DPP10: variants seen among roughly 807,000 people sequenced by gnomAD.
The protein encoded by DPP10 is inactive dipeptidyl peptidase 10.
A neutral mutation model predicts 120.9 loss-of-function variants in DPP10; 33 were observed. The ratio of observed to expected loss-of-function variants is 0.27; its 90% CI spans 0.21 to 0.37. The LOEUF (loss-of-function observed/expected upper bound fraction) is 0.37, where lower values mean the gene tolerates loss of function less well. Ranked by LOEUF, DPP10 falls within the 10% of genes least tolerant of loss-of-function variation. The pLI is 1.00. For synonymous variants in DPP10, 337 were observed against 326.1 expected (o/e 1.03, Z -0.36); for missense variants, 816 against 942.8 (o/e 0.87, Z 1.76).
intron 1 of DPP10, among the ~76,000 whole-genome samples, chr2:114,603,626 G>T (rs867398746): frequency 2.0e-5 from 3 of 152,082 alleles, no homozygotes; most frequent in Non-Finnish European, 4.4e-5. Flanking sequence ...TAAGGAAAGT[G>T]AAAATGACTA....
chr2:115,235,716 C>G lies in DPP10; in HGVS notation c.61-73523C>G, dbSNP rs139903564. On this transcript the variant is annotated intron_variant, in intron 1 of 25. Coordinates refer to ENST00000410059, the MANE Select transcript of DPP10 (RefSeq NM_020868.6). ...AGTTGGGGTTACAGGTGCATGCCAA[C>G]ACACCCAGCTAATTTTGTATATTTA... 4.7e-3 allele frequency among the ~76,000 whole-genome samples: 721 copies of G among 152,248 alleles called. 5 individuals carry two copies. The highest frequency in any genetic ancestry group is 0.016 in the African/African-American group (657 of 41,538).
At chr2:115,398,514 G>T (rs1484513533) in intron 3 of DPP10, among the ~76,000 whole-genome samples, 1 of 151,864 alleles carries the variant, frequency 6.6e-6, no homozygotes, top group Non-Finnish European at 1.5e-5. Flanking sequence ...ATAAATAACA[G>T]AATGTGTTTT....
At chr2:114,560,126 C>T (rs1008907153) in intron 1 of DPP10, among the ~76,000 whole-genome samples, 2 of 152,090 alleles carry the variant, frequency 1.3e-5, no homozygotes, top group Non-Finnish European at 2.9e-5. Flanking sequence ...TTAAGAATAA[C>T]ATGGAACTGA....
chr2:115,397,039 C>T (rs2067731913), intron 3 of DPP10, among the ~76,000 whole-genome samples: 1 of 152,088 alleles, frequency 6.6e-6, no homozygotes, highest in African/African-American at 2.4e-5. Context: ...TTCTTATTTG[C>T]AAAACATGAT....
chr2:114,961,128 C>T (rs1010030599), intron 1 of DPP10, among the ~76,000 whole-genome samples: 1 of 143,114 alleles, frequency 7.0e-6, no homozygotes, highest in Non-Finnish European at 1.5e-5. Context: ...CTCAGCTCAC[C>T]GCAACCTCCA....
At chr2:115,598,975 A>G (rs1022656672) in intron 5 of DPP10, among the ~76,000 whole-genome samples, 16 of 151,580 alleles carry the variant, frequency 1.1e-4, no homozygotes, top group Admixed American at 1.1e-3. Context: ...TTTATTTTTT[A>G]CCTCTGTAAA....
At chr2:115,106,047 ACTG>A (rs2048930386) in intron 1 of DPP10, among the ~76,000 whole-genome samples, 1 of 152,180 alleles carries the variant, frequency 6.6e-6, no homozygotes, top group Admixed American at 6.5e-5. Context: ...GTTTCCTACT[ACTG>A]AAGACATGAA....
At chr2:114,803,105 T>G (rs1684406825) in intron 1 of DPP10, among the ~76,000 whole-genome samples, 2 of 152,172 alleles carry the variant, frequency 1.3e-5, no homozygotes, top group South Asian at 4.1e-4. Context: ...TCCCATGCTA[T>G]TCTCATGATA....
chr2:114,675,869 C>T (rs1034512520), intron 1 of DPP10, among the ~76,000 whole-genome samples: 7 of 151,762 alleles, frequency 4.6e-5, no homozygotes, highest in Admixed American at 4.6e-4. Flanking sequence ...GGTGTGATCT[C>T]AGCTCACTGC....
intron 1 of DPP10, among the ~76,000 whole-genome samples, chr2:115,116,810 T>C (rs1418817104): frequency 6.6e-6 from 1 of 152,236 alleles, no homozygotes; most frequent in African/African-American, 2.4e-5. Flanking sequence ...ACAATTGGAA[T>C]GTCATACAAT....
At chr2:114,897,567 A>C (rs1198624838) in intron 1 of DPP10, among the ~76,000 whole-genome samples, 1 of 152,214 alleles carries the variant, frequency 6.6e-6, no homozygotes, top group South Asian at 2.1e-4. Context: ...GGCAACCTAC[A>C]AAATGGGAGA....
intron 1 of DPP10, among the ~76,000 whole-genome samples, chr2:115,024,044 C>T (rs1182708333): frequency 1.3e-5 from 2 of 152,012 alleles, no homozygotes; most frequent in Non-Finnish European, 2.9e-5. Context: ...AAAGACTACA[C>T]ACTGGGTACA....
intron 1 of DPP10, among the ~76,000 whole-genome samples, chr2:114,949,264 T>C (rs1197676992): frequency 4.6e-5 from 7 of 151,980 alleles, no homozygotes; most frequent in Non-Finnish European, 1.0e-4. Flanking sequence ...TGAGAACTCA[T>C]TCATTATTAG....
intron 3 of DPP10, among the ~76,000 whole-genome samples, chr2:115,377,453 C>A (rs1286241363): frequency 6.6e-6 from 1 of 151,980 alleles, no homozygotes; most frequent in Non-Finnish European, 1.5e-5. Context: ...TGGATATTAA[C>A]CCTTTGTCAG....
intron 5 of DPP10, among the ~76,000 whole-genome samples, chr2:115,531,768 G>A (rs938101426): frequency 6.6e-6 from 1 of 152,074 alleles, no homozygotes; most frequent in Non-Finnish European, 1.5e-5. Context: ...CCCAGATAAA[G>A]CAGCAAAACA....
intron 1 of DPP10, among the ~76,000 whole-genome samples, chr2:114,725,700 G>A (rs1467347035): frequency 2.6e-5 from 4 of 152,178 alleles, no homozygotes; most frequent in African/African-American, 4.8e-5. Flanking sequence ...TAGAATAGAT[G>A]TGATTATCCT....
chr2:114,639,999 G>A (rs927117405), intron 1 of DPP10, among the ~76,000 whole-genome samples: 3 of 151,762 alleles, frequency 2.0e-5, no homozygotes, highest in Non-Finnish European at 4.4e-5. Flanking sequence ...AGCAATTATG[G>A]TAGAAACAAG....
intron 1 of DPP10, among the ~76,000 whole-genome samples, chr2:114,887,571 G>T (rs772398422): frequency 2.6e-5 from 4 of 152,152 alleles, no homozygotes; most frequent in Non-Finnish European, 5.9e-5. Context: ...TTATGAAGCA[G>T]GTTGCTCACC....
At chr2:115,433,617 C>T (rs1397471636) in intron 3 of DPP10, among the ~76,000 whole-genome samples, 1 of 151,938 alleles carries the variant, frequency 6.6e-6, no homozygotes, top group Non-Finnish European at 1.5e-5. Flanking sequence ...GTTTAACACT[C>T]TCTTGATTTC....
Sources: gnomAD v4.1 joint callset for allele counts (sites outside exome capture counted in the v4.1 genomes callset) on GRCh38, gnomAD v4.1.1 for gene constraint, MANE v1.5 for transcripts, NCBI Gene and HGNC (gene_info 2026-07-23, HGNC 2026-07-21) for gene names.